Variants in MAP3K20 observed in about 807,000 individuals in gnomAD.
MAP3K20 encodes the protein HCCS-4.
A neutral mutation model predicts 85.7 loss-of-function variants in MAP3K20; 40 were observed. The observed-to-expected ratio is 0.47, with a 90% CI of 0.36 to 0.61. The LOEUF is 0.61. Ranked by LOEUF, MAP3K20 falls within the 20% of genes least tolerant of loss-of-function variation. The pLI, the probability that MAP3K20 is intolerant of heterozygous loss-of-function variation, is 0.00. For synonymous variants in MAP3K20, 325 were observed against 327.7 expected (o/e 0.99, Z 0.09); for missense variants, 817 against 961.7 (o/e 0.85, Z 1.99).
intron 2 of MAP3K20, among the ~76,000 whole-genome samples, chr2:173,094,270 T>G (rs992592838): frequency 7.9e-5 from 12 of 152,360 alleles, no homozygotes; most frequent in Admixed American, 2.0e-4. Flanking sequence ...ATGTTATTGA[T>G]TTATATGTAT....
intron 15 of MAP3K20, among the ~76,000 whole-genome samples, chr2:173,238,714 G>A (rs1684711734): frequency 6.6e-6 from 1 of 152,146 alleles, no homozygotes; most frequent in Non-Finnish European, 1.5e-5. Context: ...GAGGTCCTGT[G>A]GCCTCCCACC....
At chr2:173,224,906 C>T in intron 11 of MAP3K20, 1 of 985,214 alleles carries the variant, frequency 1.0e-6, no homozygotes, top group Non-Finnish European at 1.2e-6. Context: ...CTTTTCAGAT[C>T]AGTGTTTGAA....
chr2:173,251,333 TG>T (rs1458857911), intron 16 of MAP3K20, among the ~76,000 whole-genome samples: 1 of 152,166 alleles, frequency 6.6e-6, no homozygotes, highest in Non-Finnish European at 1.5e-5. Flanking sequence ...TTCATGGTTT[TG>T]GGGAGTGGTG....
intron 2 of MAP3K20, among the ~76,000 whole-genome samples, chr2:173,148,227 A>G (rs981298214): frequency 1.3e-5 from 2 of 152,164 alleles, no homozygotes; most frequent in African/African-American, 2.4e-5. Flanking sequence ...CTAACATTAC[A>G]TAATTTTAAT....
intron 2 of MAP3K20, among the ~76,000 whole-genome samples, chr2:173,112,918 G>GAT (rs1688015725): frequency 6.6e-6 from 1 of 152,114 alleles, no homozygotes; most frequent in Admixed American, 6.5e-5. Context: ...GTATTAGGGT[G>GAT]ATGCTGGCTT....
At chr2:173,161,300 C>T (rs964763707) in intron 2 of MAP3K20, among the ~76,000 whole-genome samples, 5 of 152,162 alleles carry the variant, frequency 3.3e-5, no homozygotes, top group African/African-American at 1.2e-4. Context: ...AACTGTGCTT[C>T]CTACTGCAAT....
intron 1 of MAP3K20, among the ~76,000 whole-genome samples, chr2:173,083,713 A>G (rs923475264): frequency 3.3e-5 from 5 of 152,210 alleles, no homozygotes; most frequent in South Asian, 2.1e-4. Flanking sequence ...TTTTATACAC[A>G]TGATGACAAA....
chr2:173,211,181 G>GCACTT (rs1031648651), intron 10 of MAP3K20: 3 of 152,186 alleles, frequency 2.0e-5, no homozygotes, highest in African/African-American at 7.2e-5. Flanking sequence ...TGTAATCCCA[G>GCACTT]CACTTCAGGA....
chr2:173,164,216 C>T (rs932939276), intron 2 of MAP3K20, among the ~76,000 whole-genome samples: 1 of 152,088 alleles, frequency 6.6e-6, no homozygotes, highest in African/African-American at 2.4e-5. Context: ...CCTCGGCCTC[C>T]CAAAGTGCTG....
intron 11 of MAP3K20, among the ~76,000 whole-genome samples, chr2:173,218,775 T>C (rs1415451864): frequency 6.6e-6 from 1 of 152,262 alleles, no homozygotes; most frequent in Non-Finnish European, 1.5e-5. Context: ...CTTTAGTTTA[T>C]TGGCATCAGT....
intron 2 of MAP3K20, among the ~76,000 whole-genome samples, chr2:173,155,290 G>C (rs1317349142): frequency 2.6e-5 from 4 of 152,164 alleles, no homozygotes; most frequent in Non-Finnish European, 5.9e-5. Context: ...GAAAAAGCAA[G>C]AGTACTAGAA....
chr2:173,172,892 A>C (rs1690041097), intron 3 of MAP3K20, among the ~76,000 whole-genome samples: 1 of 151,338 alleles, frequency 6.6e-6, no homozygotes, highest in Non-Finnish European at 1.5e-5. Flanking sequence ...CCACCTCCTG[A>C]GTTCAAGCAA....
chr2:173,155,353 A>G (rs1487766243), intron 2 of MAP3K20, among the ~76,000 whole-genome samples: 1 of 152,190 alleles, frequency 6.6e-6, no homozygotes, highest in East Asian at 1.9e-4. Context: ...ATTATCTTGT[A>G]TATTTCTTGA....
Position 173,216,059 on chromosome 2 carries a change from C to A in MAP3K20, c.852-1056C>A, listed in dbSNP as rs571553940. On this transcript the variant is annotated intron_variant, in intron 10 of 19. Coordinates refer to ENST00000375213, the MANE Select transcript of MAP3K20 (RefSeq NM_016653.3). ...CCTTCTCTCCAGTGCCTTCTCTAGCCTTGACTTCCCTCTCCCCTCTCCCTC... is the reference window on the plus strand; with the variant it reads ...CCTTCTCTCCAGTGCCTTCTCTAGCATTGACTTCCCTCTCCCCTCTCCCTC... 2.0e-5 allele frequency among the ~76,000 whole-genome samples: 3 copies of A among 152,326 alleles called. No homozygotes were observed. The South Asian group carries it at 6.2e-4, about 32-fold the overall frequency.
chr2:173,125,154 A>G (rs1228578883), intron 2 of MAP3K20, among the ~76,000 whole-genome samples: 1 of 152,242 alleles, frequency 6.6e-6, no homozygotes, highest in Non-Finnish European at 1.5e-5. Context: ...CATTCTGAGA[A>G]GGAATGGGTA....
chr2:173,131,318 A>G (rs1574041575), intron 2 of MAP3K20, among the ~76,000 whole-genome samples: 1 of 152,382 alleles, frequency 6.6e-6, no homozygotes, highest in Non-Finnish European at 1.5e-5. Flanking sequence ...TAGGTGCTCC[A>G]TTAAACAATG....
At chr2:173,109,777 C>T (rs1222769967) in intron 2 of MAP3K20, among the ~76,000 whole-genome samples, 1 of 152,106 alleles carries the variant, frequency 6.6e-6, no homozygotes, top group Non-Finnish European at 1.5e-5. Flanking sequence ...AAAAAGTCTT[C>T]CTAAATTTCT....
intron 1 of MAP3K20, chr2:173,090,796 G>A (rs531858740): frequency 3.3e-6 from 4 of 1,207,054 alleles, no homozygotes; most frequent in Non-Finnish European, 3.1e-6. Flanking sequence ...CAAAGTCTGG[G>A]CAGGTTGTTG....
Position 173,198,097 on chromosome 2 carries a change from A to G in MAP3K20, c.654A>G (p.Val218=), listed in dbSNP as rs897236872. The part of the protein sequence containing the change: ...GLEGLQVAWL[V]VEKNERLTIP... ...AAGGATTACAAGTAGCTTGGCTTGT[A>G]GTGGAAAAAAACGAGGTAAGACTAC... The change falls in exon 8 of 20, where the codon GTA becomes GTG. Residue 218 remains valine (V), a synonymous_variant. Coordinates refer to ENST00000375213, the MANE Select transcript of MAP3K20 (RefSeq NM_016653.3). This position sits in a 1 kb window ranked among gnomAD's most constrained non-coding sequence, Gnocchi z 5.8. 6.2e-7 allele frequency: 1 copy of G among 1,612,908 alleles called. No individual in the cohort carries two copies. The highest frequency in any genetic ancestry group is 1.3e-5 in the African/African-American group (1 of 74,870).
Sources: allele counts gnomAD v4.1 joint callset (sites outside exome capture counted in the v4.1 genomes callset), GRCh38; gene constraint gnomAD v4.1.1; non-coding constraint Gnocchi (gnomAD v3.1); transcripts MANE v1.5; gene names NCBI Gene and HGNC (gene_info 2026-07-23, HGNC 2026-07-21).